PAN3: variants seen among roughly 807,000 people sequenced by gnomAD.
The protein encoded by PAN3 is poly(A) specific ribonuclease subunit PAN3, also known as PAN2-PAN3 deadenylation complex subunit PAN3.
A neutral mutation model predicts 96.2 loss-of-function variants in PAN3; 19 were observed. That is an observed-to-expected ratio of 0.20 (90% CI 0.14 to 0.29). The LOEUF (loss-of-function observed/expected upper bound fraction) is 0.29. Among genes scored for constraint, PAN3 ranks in the 10% least tolerant of loss-of-function variants. The probability of loss-of-function intolerance (pLI) is 1.00; values close to 1 mark genes in which losing one functional copy is unlikely to be tolerated. For synonymous variants in PAN3, 433 were observed against 406.6 expected (o/e 1.06, Z -0.78); for missense variants, 882 against 1,108.1 (o/e 0.80, Z 2.90).
At chr13:28,207,735 A>G in intron 5 of PAN3, among the ~76,000 whole-genome samples, 1 of 152,216 alleles carries the variant, frequency 6.6e-6, no homozygotes, top group East Asian at 1.9e-4. Flanking sequence ...CATTTATAGA[A>G]CTTATCACAT....
At chr13:28,206,800 G>C (rs946213067) in intron 5 of PAN3, among the ~76,000 whole-genome samples, 9 of 148,390 alleles carry the variant, frequency 6.1e-5, no homozygotes, top group Non-Finnish European at 7.4e-5. Flanking sequence ...GCCAAGCTCT[G>C]TCATTGACTG....
intron 1 of PAN3, among the ~76,000 whole-genome samples, chr13:28,150,496 G>A (rs1871234009): frequency 6.6e-6 from 1 of 152,030 alleles, no homozygotes; most frequent in South Asian, 2.1e-4. Flanking sequence ...GTGGTGGCGG[G>A]CGCGGTGACG....
chr13:28,172,391 G>A (rs1169681732), intron 1 of PAN3, among the ~76,000 whole-genome samples: 3 of 152,132 alleles, frequency 2.0e-5, no homozygotes, highest in African/African-American at 7.2e-5. Context: ...AGGGGGCGAA[G>A]CTTGCAGTGA....
chr13:28,258,498 T>C (rs1885405121), intron 7 of PAN3, among the ~76,000 whole-genome samples: 1 of 152,194 alleles, frequency 6.6e-6, no homozygotes, highest in Non-Finnish European at 1.5e-5. Context: ...TGTAGTTTGC[T>C]TGGAAGGTAA....
Position 28,277,765 on chromosome 13 carries a change from C to T in PAN3, c.2189+389C>T, listed in dbSNP as rs893034278. Among the ~76,000 whole-genome samples the T allele has an allele frequency of 3.9e-5, 6 of 152,268 alleles. No homozygotes were observed. In the South Asian group the frequency reaches 6.2e-4, roughly 16 times the overall value. ...GGACAGCACAGACATAGAATATTTC[C>T]CTCATCTTGGAGTTCTGTTGGATAG... On this transcript the variant is annotated intron_variant, in intron 15 of 18. Coordinates refer to ENST00000380958, the MANE Select transcript of PAN3 (RefSeq NM_175854.8).
chr13:28,224,916 C>CA (rs1881834755), intron 6 of PAN3, among the ~76,000 whole-genome samples: 1 of 152,182 alleles, frequency 6.6e-6, no homozygotes, highest in Non-Finnish European at 1.5e-5. Context: ...CCACCTCACT[C>CA]AGCCTTTGTT....
At chr13:28,153,455 T>A (rs1421076418) in intron 1 of PAN3, among the ~76,000 whole-genome samples, 1 of 152,026 alleles carries the variant, frequency 6.6e-6, no homozygotes, top group East Asian at 1.9e-4. Context: ...GCCAGGATGG[T>A]CTCAATCTCT....
chr13:28,152,724 C>T (rs552632747), intron 1 of PAN3, among the ~76,000 whole-genome samples: 5 of 152,100 alleles, frequency 3.3e-5, no homozygotes, highest in African/African-American at 4.8e-5. Flanking sequence ...AGATAAATGT[C>T]CCGTTTGAAA....
chr13:28,171,160 T>C (rs1479048319), intron 1 of PAN3, among the ~76,000 whole-genome samples: 1 of 152,184 alleles, frequency 6.6e-6, no homozygotes, highest in Admixed American at 6.5e-5. Context: ...ATTTAGTCAT[T>C]TTTTTCTGTG....
chr13:28,160,942 A>G (rs1466549050), intron 1 of PAN3, among the ~76,000 whole-genome samples: 1 of 152,234 alleles, frequency 6.6e-6, no homozygotes, highest in Non-Finnish European at 1.5e-5. Flanking sequence ...CATGGTGTTC[A>G]ATGTTCTTTA....
intron 6 of PAN3, among the ~76,000 whole-genome samples, chr13:28,238,948 C>T (rs1443014011): frequency 4.0e-5 from 6 of 151,892 alleles, no homozygotes; most frequent in Admixed American, 6.6e-5. Context: ...AGGCAAGCCA[C>T]TATTTGAGGT....
chr13:28,199,595 C>T (rs553656697), intron 5 of PAN3, among the ~76,000 whole-genome samples: 1 of 152,192 alleles, frequency 6.6e-6, no homozygotes, highest in East Asian at 1.9e-4. Flanking sequence ...CTCATCTCGT[C>T]TCTATTACTG....
At chr13:28,237,509 TAGC>T (rs1409205862) in intron 6 of PAN3, among the ~76,000 whole-genome samples, 7 of 152,140 alleles carry the variant, frequency 4.6e-5, no homozygotes, top group African/African-American at 7.2e-5. Context: ...TTTTAAAAAA[TAGC>T]AGCAGTACTC....
intron 9 of PAN3, 54 bp from the exon 10 acceptor site, chr13:28,266,661 G>T (rs1886205178): frequency 1.5e-6 from 2 of 1,368,392 alleles, no homozygotes; most frequent in Non-Finnish European, 2.0e-6. Context: ...GTATTTTTGA[G>T]AAAGATTTAT....
chr13:28,205,903 T>C (rs185079551), intron 5 of PAN3, among the ~76,000 whole-genome samples: 22 of 151,972 alleles, frequency 1.4e-4, no homozygotes, highest in African/African-American at 5.1e-4. Flanking sequence ...ATGTATCAGC[T>C]TTCTACCTAT....
chr13:28,237,784 T>C (rs774775002), intron 6 of PAN3, among the ~76,000 whole-genome samples: 9 of 152,236 alleles, frequency 5.9e-5, no homozygotes, highest in Non-Finnish European at 1.0e-4. Context: ...AGTTGTGTAC[T>C]CATGTGTTCA....
intron 1 of PAN3, among the ~76,000 whole-genome samples, chr13:28,157,106 T>A (rs1436225061): frequency 2.8e-5 from 4 of 145,100 alleles, no homozygotes; most frequent in African/African-American, 1.0e-4. Context: ...ACCCGTCACA[T>A]AAACAGAGCT....
At chr13:28,269,314 A>G (rs1886420271) in intron 12 of PAN3, among the ~76,000 whole-genome samples, 1 of 152,116 alleles carries the variant, frequency 6.6e-6, no homozygotes, top group South Asian at 2.1e-4. Context: ...TCACTGATTA[A>G]TATATTAATG....
chr13:28,291,600 C>T (rs559945519), intron 18 of PAN3, among the ~76,000 whole-genome samples: 54 of 152,244 alleles, frequency 3.5e-4, no homozygotes, highest in African/African-American at 1.3e-3. Flanking sequence ...GAGGCCGAGG[C>T]GGGTGGATCG....
Sources: allele counts gnomAD v4.1 joint callset (sites outside exome capture counted in the v4.1 genomes callset), GRCh38; gene constraint gnomAD v4.1.1; transcripts MANE v1.5; gene names NCBI Gene and HGNC (gene_info 2026-07-23, HGNC 2026-07-21).